Variants in PKD1L1 observed in about 807,000 individuals in gnomAD.
PKD1L1 encodes polycystin-1-like protein 1.
Under a neutral mutation model 323.4 loss-of-function variants are expected in PKD1L1, and 236 were observed. The ratio of observed to expected loss-of-function variants is 0.73; its 90% CI spans 0.66 to 0.81. PKD1L1 has a LOEUF of 0.81. Among genes scored for constraint, PKD1L1 ranks in the 40% least tolerant of loss-of-function variants. PKD1L1 has a pLI of 0.00. For missense variants in PKD1L1, 3,320 were observed against 3,508.0 expected (o/e 0.95, Z 1.35); for synonymous variants, 1,344 against 1,335.0 (o/e 1.01, Z -0.15).
At chr7:47,806,133 G>A (rs2128727673) in intron 52 of PKD1L1, among the ~76,000 whole-genome samples, 1 of 152,274 alleles carries the variant, frequency 6.6e-6, no homozygotes, top group East Asian at 1.9e-4. Context: ...TCAGGAGGAG[G>A]CTATTTACTG....
At chr7:47,884,748 T>G (rs1375888139) in intron 18 of PKD1L1, 91 bp from the exon 19 acceptor site, 3 of 1,034,790 alleles carry the variant, frequency 2.9e-6, no homozygotes, top group Non-Finnish European at 4.5e-6. Context: ...CACATTGTCC[T>G]TGGTGTATTT....
In PKD1L1 at chr7:47,836,961, G is replaced by A. The variant is rs752337593; in HGVS notation, c.5903C>T (p.Ala1968Val). 1.4e-5 allele frequency: 23 copies of A among 1,614,038 alleles called. No homozygotes were observed. Among genetic ancestry groups the A allele is most frequent in the South Asian group, 2.2e-5 (2 of 91,082 alleles). ...AGCAGCAACCAGGGCAGTGAGACAC[G>A]CGTAGACGCACAGCAGGGAGAAGGA... is the stretch of plus-strand genomic sequence containing the variant. ...TVSFSLLCVYACLTALVAAGG... is the reference protein window; with the variant it reads ...TVSFSLLCVYVCLTALVAAGG... Residue 1968 changes from alanine to valine, a missense_variant, in exon 37 of 57, where the codon GCG (alanine) becomes GTG (valine). Transcript: ENST00000289672.
intron 33 of PKD1L1, among the ~76,000 whole-genome samples, chr7:47,844,586 C>T (rs756383393): frequency 6.3e-4 from 96 of 152,256 alleles, no homozygotes; most frequent in Non-Finnish European, 1.0e-3. Flanking sequence ...AAATGGGATA[C>T]TCCAGAGAGA....
At chr7:47,954,799 A>G in the PKD1L1 span, among the ~76,000 whole-genome samples, 13 of 152,336 alleles carry the variant, frequency 8.5e-5, no homozygotes, top group East Asian at 2.5e-3. Flanking sequence ...AACTGTCTCA[A>G]GAGGCTGAAT....
chr7:47,822,594 CAAAAAA>C (rs745820560), intron 45 of PKD1L1, among the ~76,000 whole-genome samples: 1 of 71,402 alleles, frequency 1.4e-5, no homozygotes. Flanking sequence ...GACTCCGTCT[CAAAAAA>C]AAAAAAAAAA....
intron 37 of PKD1L1, 63 bp from the exon 38 acceptor site, chr7:47,835,306 A>G: frequency 4.9e-6 from 5 of 1,013,962 alleles, no homozygotes; most frequent in Non-Finnish European, 7.3e-6. Context: ...AAACGCAGTC[A>G]TTGTGTAATT....
intron 41 of PKD1L1, 39 bp downstream of exon 41, chr7:47,833,051 A>G: frequency 1.3e-6 from 2 of 1,583,696 alleles, no homozygotes; most frequent in South Asian, 2.3e-5. Flanking sequence ...GGTCTGCTGG[A>G]CTGGCAGGAA....
chr7:47,905,753 C>T (rs1467576772), intron 10 of PKD1L1, 90 bp downstream of exon 10: 1 of 1,548,168 alleles, frequency 6.5e-7, no homozygotes, highest in South Asian at 1.2e-5. Flanking sequence ...GAGCCGATAA[C>T]AAAACCTGCT....
intron 17 of PKD1L1, among the ~76,000 whole-genome samples, chr7:47,886,626 C>T (rs905509311): frequency 6.6e-6 from 1 of 152,024 alleles, no homozygotes; most frequent in Non-Finnish European, 1.5e-5. Context: ...TTTAAAGGAG[C>T]GTGGCAACTG....
chr7:47,916,802 C>A (rs1207882387), intron 7 of PKD1L1, among the ~76,000 whole-genome samples: 2 of 152,100 alleles, frequency 1.3e-5, no homozygotes, highest in Non-Finnish European at 2.9e-5. Context: ...AAGGGAACAC[C>A]CACAGGACAA....
chr7:47,898,119 A>G lies in PKD1L1; in HGVS notation c.2140T>C (p.Ser714Pro), dbSNP rs532903864. 3.7e-6 allele frequency: 6 copies of G among 1,614,190 alleles called. No homozygotes were observed. Among genetic ancestry groups the G allele is most frequent in the East Asian group, 4.5e-5 (2 of 44,886 alleles). Residue 714 changes from serine to proline, a missense_variant, in exon 14 of 57, where the codon TCT becomes CCT. Physicochemically the swap from Ser to Pro is moderately conservative, Grantham distance 74. Coordinates refer to ENST00000289672, the MANE Select transcript of PKD1L1 (RefSeq NM_138295.5). The stretch of plus-strand genomic sequence containing the variant: ...GAGTCCATCAAGTTCCAGGTGTAAG[A>G]AAGACCTTGGGAAATATCACAGAAG... The part of the protein sequence containing the change: ...AVFCDISQGL[S>P]YTWNLMDSEG...
At chr7:47,931,875 T>A in intron 5 of PKD1L1, 61 bp downstream of exon 5, 1 of 1,566,330 alleles carries the variant, frequency 6.4e-7, no homozygotes, top group Non-Finnish European at 8.7e-7. Context: ...CTCCCCCATA[T>A]GCATCAGATG....
At chr7:47,780,159 C>G (rs1042065928) in intron 56 of PKD1L1, among the ~76,000 whole-genome samples, 2 of 152,082 alleles carry the variant, frequency 1.3e-5, no homozygotes, top group Non-Finnish European at 2.9e-5. Flanking sequence ...AAAACAATAT[C>G]CCAGCCAGGA....
chr7:47,955,810 TCA>T, the PKD1L1 span, among the ~76,000 whole-genome samples: 1 of 152,240 alleles, frequency 6.6e-6, no homozygotes, highest in Non-Finnish European at 1.5e-5. Flanking sequence ...TGGTATCAAT[TCA>T]CATTCCCAAT....
At chr7:47,929,619 G>C in intron 6 of PKD1L1, 93 bp from the exon 7 acceptor site, 1 of 1,196,688 alleles carries the variant, frequency 8.4e-7, no homozygotes. Flanking sequence ...GGTCCAGCCA[G>C]CTAGAAGCCA....
At chr7:47,835,294 T>G in intron 37 of PKD1L1, 51 bp from the exon 38 acceptor site, 2 of 1,153,040 alleles carry the variant, frequency 1.7e-6, no homozygotes, top group South Asian at 2.9e-5. Context: ...GAGTCCCGCT[T>G]AAAACGCAGT....
chr7:47,893,881 A>C lies in PKD1L1; in HGVS notation c.2450T>G (p.Leu817Arg). 2 of 1,612,682 alleles carry C rather than the reference A, an allele frequency of 1.2e-6. No homozygotes were observed. The highest frequency in any genetic ancestry group is 1.7e-6 in the Non-Finnish European group (2 of 1,179,580). The change falls in exon 15 of 57, where the codon CTC becomes CGC. Residue 817 changes from leucine to arginine, a missense_variant. Physicochemically the swap from Leu to Arg is moderately radical, Grantham distance 102 (BLOSUM62 -2). Coordinates refer to ENST00000289672, the MANE Select transcript of PKD1L1 (RefSeq NM_138295.5). ...TCTGTGTGGGGGTGGTGCTCACCTG[A>C]GAGTCGCCCCAGGGTCGTCAGGGTC... is the stretch of plus-strand genomic sequence containing the variant. ...SFDPDDPGATLRYHWECATAG... is the reference protein window; with the variant it reads ...SFDPDDPGATRRYHWECATAG...
chr7:47,791,294 C>T (rs1223276342), intron 56 of PKD1L1, among the ~76,000 whole-genome samples: 2 of 152,074 alleles, frequency 1.3e-5, no homozygotes, highest in Non-Finnish European at 2.9e-5. Context: ...TTTTCTCTTG[C>T]AGAATTTTCC....
At chr7:47,931,062 A>T (rs1583683700) in intron 6 of PKD1L1, 42 bp downstream of exon 6, 1 of 1,577,102 alleles carries the variant, frequency 6.3e-7, no homozygotes, top group Non-Finnish European at 8.7e-7. Flanking sequence ...CAGACTGGGG[A>T]TTGGAGAAGT....
Sources: allele counts gnomAD v4.1 joint callset (sites outside exome capture counted in the v4.1 genomes callset), GRCh38; gene constraint gnomAD v4.1.1; transcripts MANE v1.5; gene names NCBI Gene and HGNC (gene_info 2026-07-23, HGNC 2026-07-21).